TRARG1: variants seen among roughly 807,000 people sequenced by gnomAD.
TRARG1 encodes trafficking regulator of GLUT4 (SLC2A4) 1 (gene/pseudogene).
TRARG1 carries 16 observed loss-of-function variants against 13.3 expected under a neutral mutation model. The observed-to-expected ratio is 1.20, with a 90% CI of 0.81 to 1.83. The LOEUF is 1.83. Ranked by LOEUF, TRARG1 falls within the 40% of genes most tolerant of loss-of-function variation. The pLI is 0.00. For synonymous variants in TRARG1, 113 were observed against 106.2 expected, an observed-to-expected ratio of 1.06 and a Z score of -0.39; for missense variants, 250 against 237.4, an observed-to-expected ratio of 1.05 and a Z score of -0.35.
intron 1 of TRARG1, among the ~76,000 whole-genome samples, chr17:1,293,278 T>C (rs2072085730): frequency 1.0e-5 from 1 of 99,684 alleles, no homozygotes; most frequent in African/African-American, 4.7e-5. Flanking sequence ...AGCAAGACTC[T>C]GTCTCAAAAA....
At chr17:1,284,750 A>G (rs547513046) in intron 1 of TRARG1, among the ~76,000 whole-genome samples, 67 of 151,794 alleles carry the variant, frequency 4.4e-4, no homozygotes, top group African/African-American at 1.6e-3. Context: ...GCGCAATCTC[A>G]ACTCACTGCA....
At position 1,299,693 on chromosome 17, in the gene TRARG1, T is replaced by A. The variant is rs2072140887; in HGVS notation, c.*1429T>A. ...CCAGGCCCTGGAGACCTCCAGGCTTTCCTGCCCTGGGCAGCCCCACCTCAC... is the reference window on the plus strand; with the variant it reads ...CCAGGCCCTGGAGACCTCCAGGCTTACCTGCCCTGGGCAGCCCCACCTCAC... On this transcript the variant is annotated 3_prime_UTR_variant, in exon 3 of 3. Coordinates refer to ENST00000333813, the MANE Select transcript of TRARG1 (RefSeq NM_172367.3). 1 of 152,262 alleles carries A rather than the reference T, an allele frequency of 6.6e-6. No homozygotes were observed. Among genetic ancestry groups the A allele is most frequent in the South Asian group, 2.1e-4 (1 of 4,834 alleles). The allele number at this position is 152,262 out of a possible 1,614,324, so 9.4% of individuals were successfully genotyped here. A position where few individuals can be genotyped will look rare whatever the true frequency, so the allele number is the denominator to read the frequency against.
intron 1 of TRARG1, 92 bp from the exon 2 acceptor site, chr17:1,295,399 G>C (rs1232122065): frequency 4.1e-6 from 6 of 1,464,734 alleles, no homozygotes; most frequent in Non-Finnish European, 5.5e-6. Context: ...GGAGGCCCAG[G>C]CTCAGGGCCA....
intron 1 of TRARG1, among the ~76,000 whole-genome samples, chr17:1,285,276 C>A (rs28564156): frequency 4.6e-5 from 7 of 151,126 alleles, no homozygotes; most frequent in African/African-American, 1.7e-4. Context: ...CCAGGCGTGG[C>A]GGCACACACC....
intron 1 of TRARG1, among the ~76,000 whole-genome samples, chr17:1,295,014 G>C (rs546080071): frequency 7.9e-5 from 12 of 152,160 alleles, no homozygotes; most frequent in Admixed American, 4.6e-4. Context: ...AGGCAGGGGT[G>C]GGGGGTGCTT....
rs562963236 is a variant in TRARG1 at position 1,279,865 on chromosome 17, C to A, written c.-137C>A. On this transcript the variant is annotated 5_prime_UTR_variant, in exon 1 of 3. Coordinates refer to ENST00000333813, the MANE Select transcript of TRARG1 (RefSeq NM_172367.3). ...CAGCCCAACCCTTCCAGCACCCAGC[C>A]GGCCCTCCGTCTCCTGAGGGACGCC... 2.0e-6 allele frequency: 2 copies of A among 1,009,758 alleles called. No individual in the cohort carries two copies. The highest frequency in any genetic ancestry group is 2.8e-6 in the Non-Finnish European group (2 of 713,546). The allele number at this position is 1,009,758 out of a possible 1,614,324, so 62.5% of individuals were successfully genotyped here.
intron 1 of TRARG1, among the ~76,000 whole-genome samples, chr17:1,284,719 C>T (rs186925104): frequency 7.9e-5 from 12 of 152,078 alleles, no homozygotes; most frequent in South Asian, 4.2e-4. Context: ...CTTGCTCTGT[C>T]GCCCAGGCTG....
chr17:1,286,606 T>TGTC (rs1567929945), intron 1 of TRARG1, among the ~76,000 whole-genome samples: 1 of 105,128 alleles, frequency 9.5e-6, no homozygotes, highest in Non-Finnish European at 1.8e-5. Flanking sequence ...GGGGTGTTAT[T>TGTC]GGCCTGTGGG....
Position 1,280,061 on chromosome 17 carries a change from C to T in TRARG1, c.60C>T (p.Phe20=), listed in dbSNP as rs1246149698. ...PSAQEPGSAA[F]LDLPEMEILL... ...CACAGGAGCCAGGCTCCGCCGCATT[C>T]CTGGACCTGCCGGAGATGGAGATAC... is the stretch of plus-strand genomic sequence containing the variant. Residue 20 remains phenylalanine, a synonymous_variant, in exon 1 of 3, where the codon TTC becomes TTT. Transcript: ENST00000333813. 10 of 1,613,374 alleles carry T rather than the reference C, an allele frequency of 6.2e-6. No individual in the cohort carries two copies. In the Admixed American group the frequency reaches 1.7e-4, roughly 27 times the overall value.
intron 1 of TRARG1, among the ~76,000 whole-genome samples, chr17:1,288,342 C>G (rs1473995661): frequency 7.6e-6 from 1 of 131,700 alleles, no homozygotes; most frequent in Non-Finnish European, 1.6e-5. Context: ...CCTCATCCCC[C>G]ACGGGTTCCC....
intron 1 of TRARG1, among the ~76,000 whole-genome samples, chr17:1,292,868 C>T (rs376074190): frequency 5.3e-5 from 8 of 152,264 alleles, no homozygotes; most frequent in African/African-American, 1.2e-4. Context: ...GCACAGGAGC[C>T]GGGATGCTCC....
chr17:1,295,254 C>T (rs555235874), intron 1 of TRARG1, among the ~76,000 whole-genome samples: 1 of 152,352 alleles, frequency 6.6e-6, no homozygotes, highest in African/African-American at 2.4e-5. Flanking sequence ...TTGCTGGGTT[C>T]TGCTCCCAGC....
In TRARG1 at chr17:1,279,818, A is replaced by C. The variant is rs2071957945; in HGVS notation, c.-184A>C. 1.6e-6 allele frequency: 1 copy of C among 614,586 alleles called. No individual in the cohort carries two copies. The allele number at this position is 614,586 out of a possible 1,614,324, so 38.1% of individuals were successfully genotyped here. On this transcript the variant is annotated 5_prime_UTR_variant, in exon 1 of 3. Transcript: ENST00000333813. ...GGCAGCAGGCAGGCCCCAGCCTCTG[A>C]ACTCAGCTGGCTTGAGAAGCTCAGC...
At chr17:1,293,283 C>CAAAAAAAA (rs55792385) in intron 1 of TRARG1, among the ~76,000 whole-genome samples, 1 of 77,172 alleles carries the variant, frequency 1.3e-5, no homozygotes, top group African/African-American at 5.3e-5. Context: ...GACTCTGTCT[C>CAAAAAAAA]AAAAAAAAAA....
intron 1 of TRARG1, among the ~76,000 whole-genome samples, chr17:1,286,186 C>T (rs571387925): frequency 6.6e-5 from 10 of 152,326 alleles, no homozygotes; most frequent in South Asian, 2.1e-4. Flanking sequence ...GGCTGGCTCA[C>T]GCTGCACGGC....
chr17:1,293,924 G>T (rs1193106551), intron 1 of TRARG1, among the ~76,000 whole-genome samples: 1 of 151,968 alleles, frequency 6.6e-6, no homozygotes, highest in Non-Finnish European at 1.5e-5. Flanking sequence ...AACCTCCTAG[G>T]GTGATTCTGA....
At position 1,295,361 on chromosome 17, in the gene TRARG1, T is replaced by G. The variant is rs368327010; in HGVS notation, c.388-130T>G. The G allele has an allele frequency of 9.2e-6, 11 of 1,198,892 alleles. No individual in the cohort carries two copies. The South Asian group carries it at 1.2e-4, about 13-fold the overall frequency. 74.3% of individuals were successfully genotyped at this position (1,198,892 alleles called of 1,614,324 possible). A position where few individuals can be genotyped will look rare whatever the true frequency, so the allele number is the denominator to read the frequency against. ...AGCCCTCTTCCTCTCCCCTAGAGTG[T>G]GGGCTGCCATGGGGACGGGATGTGT... On this transcript the variant is annotated intron_variant, in intron 1 of 2. Coordinates refer to ENST00000333813, the MANE Select transcript of TRARG1 (RefSeq NM_172367.3).
intron 1 of TRARG1, 141 bp from the exon 2 acceptor site, chr17:1,295,350 C>T (rs1376173253): frequency 3.6e-6 from 4 of 1,113,132 alleles, no homozygotes; most frequent in Admixed American, 4.8e-5. Flanking sequence ...CTCTTCCTCT[C>T]CCCTAGAGTG....
chr17:1,292,047 A>T (rs2072073041), intron 1 of TRARG1, among the ~76,000 whole-genome samples: 1 of 152,168 alleles, frequency 6.6e-6, no homozygotes, highest in Non-Finnish European at 1.5e-5. Context: ...GGATGCCTGT[A>T]ATCCCAGCTA....
Sources: allele counts gnomAD v4.1 joint callset (sites outside exome capture counted in the v4.1 genomes callset), GRCh38; gene constraint gnomAD v4.1.1; transcripts MANE v1.5; gene names NCBI Gene and HGNC (gene_info 2026-07-23, HGNC 2026-07-21).